CFAP20DC: variants seen among roughly 807,000 people sequenced by gnomAD.
CFAP20DC encodes the protein protein CFAP20DC.
In CFAP20DC, 84 loss-of-function variants were observed where a neutral mutation model predicts 101.7. That is an observed-to-expected ratio of 0.83 (90% confidence interval 0.69 to 0.99). The LOEUF (loss-of-function observed/expected upper bound fraction) is 0.99, where lower values mean the gene tolerates loss of function less well. Ranked by LOEUF, CFAP20DC falls within the 50% of genes least tolerant of loss-of-function variation. CFAP20DC has a pLI of 0.00. For synonymous variants in CFAP20DC, 359 were observed against 351.2 expected, an observed-to-expected ratio of 1.02 and a Z score of -0.25; for missense variants, 1,007 against 970.3, an observed-to-expected ratio of 1.04 and a Z score of -0.50.
chr3:58,822,321 A>AAAC (rs1228312334), intron 14 of CFAP20DC, among the ~76,000 whole-genome samples: 1 of 141,114 alleles, frequency 7.1e-6, no homozygotes, highest in Non-Finnish European at 1.5e-5. Context: ...AAAAACAAAC[A>AAAC]AACAAACAAA....
intron 4 of CFAP20DC, among the ~76,000 whole-genome samples, chr3:58,946,830 G>C (rs1011923247): frequency 1.3e-5 from 2 of 152,162 alleles, no homozygotes; most frequent in Non-Finnish European, 2.9e-5. Flanking sequence ...ATTATAAATA[G>C]TTAGAAGAGG....
chr3:58,881,114 G>C (rs775514298), intron 7 of CFAP20DC, among the ~76,000 whole-genome samples: 10 of 152,100 alleles, frequency 6.6e-5, no homozygotes, highest in Non-Finnish European at 1.0e-4. Context: ...GCCAAAAATA[G>C]TTAGATGATT....
At chr3:58,935,588 G>C (rs1256257011) in intron 5 of CFAP20DC, among the ~76,000 whole-genome samples, 1 of 152,042 alleles carries the variant, frequency 6.6e-6, no homozygotes, top group Non-Finnish European at 1.5e-5. Flanking sequence ...ATAGATCAAT[G>C]GAATAGAACA....
chr3:58,847,452 C>G (rs1305912823), intron 13 of CFAP20DC, among the ~76,000 whole-genome samples: 4 of 150,098 alleles, frequency 2.7e-5, no homozygotes, highest in African/African-American at 4.9e-5. Flanking sequence ...AAATGCAAAT[C>G]AAAACCACAA....
In CFAP20DC at chr3:58,868,059, G is replaced by A; in HGVS notation, c.1016-123C>T. 8.9e-7 allele frequency: 1 copy of A among 1,121,254 alleles called. No individual in the cohort carries two copies. Among genetic ancestry groups the A allele is most frequent in the Non-Finnish European group, 1.2e-6 (1 of 824,536 alleles). 69.5% of individuals were successfully genotyped at this position (1,121,254 alleles called of 1,614,324 possible). On this transcript the variant is annotated intron_variant, in intron 9 of 16. Transcript: ENST00000482387. The surrounding 1 kb of genome is among the most constrained non-coding windows in gnomAD (Gnocchi z 4.6). Reference sequence around the variant, plus strand: ...ATGTATAATTTTGACATAATGTGAAGATACATCAAAAATACAACTTCATAG... The same window carrying A: ...ATGTATAATTTTGACATAATGTGAAAATACATCAAAAATACAACTTCATAG...
rs1017024266 is a variant in CFAP20DC at position 59,002,012 on chromosome 3, T to C, written c.278+37545A>G. On this transcript the variant is annotated intron_variant, in intron 4 of 16. Coordinates refer to ENST00000482387, the MANE Select transcript of CFAP20DC (RefSeq NM_001394063.1). This position sits in a 1 kb window ranked among gnomAD's most constrained non-coding sequence, Gnocchi z 4.5. ...TTGGCATTTTTTAATACCGGGTATA[T>C]ACTAAAATGCCGTGTGGTTGGCCAC... 3.3e-5 allele frequency among the ~76,000 whole-genome samples: 5 copies of C among 152,196 alleles called. No individual in the cohort carries two copies. The highest frequency in any genetic ancestry group is 1.3e-4 in the Admixed American group (2 of 15,284).
chr3:58,783,045 G>A (rs1385865296), intron 15 of CFAP20DC, among the ~76,000 whole-genome samples: 1 of 152,042 alleles, frequency 6.6e-6, no homozygotes, highest in Non-Finnish European at 1.5e-5. Flanking sequence ...CAAGGCTATA[G>A]TAACCAAACA....
rs904202284 is a variant in CFAP20DC, at chr3:58,807,416, C to T, written c.2176-960G>A. 2.7e-4 allele frequency among the ~76,000 whole-genome samples: 41 copies of T among 152,240 alleles called. 1 individual carries two copies. Among genetic ancestry groups the T allele is most frequent in the Admixed American group, 1.8e-3 (28 of 15,274 alleles). On this transcript the variant is annotated intron_variant, in intron 14 of 16. Coordinates refer to ENST00000482387, the MANE Select transcript of CFAP20DC (RefSeq NM_001394063.1). ...GCAGCATTCGTGGTTCATGAAAATC[C>T]GCTGTTCTGCAGCCACCGCTGCGGA...
chr3:58,919,734 T>C (rs1459232010), intron 5 of CFAP20DC, among the ~76,000 whole-genome samples: 1 of 152,226 alleles, frequency 6.6e-6, no homozygotes, highest in Non-Finnish European at 1.5e-5. Context: ...ATTGTTGAAT[T>C]TATTCATGAG....
At chr3:58,820,091 A>G (rs1212324885) in intron 14 of CFAP20DC, among the ~76,000 whole-genome samples, 1 of 151,908 alleles carries the variant, frequency 6.6e-6, no homozygotes, top group Non-Finnish European at 1.5e-5. Flanking sequence ...AAAATTCAAC[A>G]ACCCTTCATG....
intron 14 of CFAP20DC, among the ~76,000 whole-genome samples, chr3:58,825,130 GAGTC>G (rs1297016136): frequency 6.6e-6 from 1 of 152,152 alleles, no homozygotes; most frequent in Non-Finnish European, 1.5e-5. Flanking sequence ...GGATCTGAGG[GAGTC>G]AGTCTGTATG....
At chr3:58,747,714 C>T (rs1575539407) in intron 16 of CFAP20DC, among the ~76,000 whole-genome samples, 1 of 121,630 alleles carries the variant, frequency 8.2e-6, no homozygotes, top group African/African-American at 2.7e-5. Context: ...ATGAAGATGA[C>T]ATTTTAGATA....
In CFAP20DC at chr3:58,799,733, C is replaced by CTGTGTGTG. The variant is rs112827949; in HGVS notation, c.2237+6654_2237+6661dup. ...AGTGTGTGTGTGTCTGTGTGTGTGT[C>CTGTGTGTG]TGTGTGTGTGTGTGTGTGTGTGTGT... On this transcript the variant is annotated intron_variant, in intron 15 of 16. Transcript: ENST00000482387. The surrounding 1 kb of genome is among the most constrained non-coding windows in gnomAD (Gnocchi z 4.9). 1.6e-4 allele frequency among the ~76,000 whole-genome samples: 23 copies of CTGTGTGTG among 142,860 alleles called. No homozygotes were observed. The highest frequency in any genetic ancestry group is 3.5e-4 in the African/African-American group (14 of 39,592). The allele number at this position is 142,860 out of a possible 152,430, so 93.7% of individuals were successfully genotyped here. A position where few individuals can be genotyped will look rare whatever the true frequency, so the allele number is the denominator to read the frequency against.
intron 6 of CFAP20DC, among the ~76,000 whole-genome samples, chr3:58,890,830 C>T (rs367779498): frequency 1.4e-5 from 2 of 142,546 alleles, no homozygotes; most frequent in African/African-American, 2.7e-5. Flanking sequence ...GACGATGGGC[C>T]GCCGGGCAGA....
chr3:58,744,919 A>G (rs914191287), intron 16 of CFAP20DC, among the ~76,000 whole-genome samples: 5 of 152,216 alleles, frequency 3.3e-5, no homozygotes, highest in African/African-American at 9.6e-5. Context: ...ACCAGATCCA[A>G]TGATCCCTGT....
At chr3:58,809,535 T>C (rs1041535644) in intron 14 of CFAP20DC, among the ~76,000 whole-genome samples, 3 of 151,914 alleles carry the variant, frequency 2.0e-5, no homozygotes, top group African/African-American at 7.3e-5. Flanking sequence ...CCAGAATCTC[T>C]GGGACGCATT....
intron 4 of CFAP20DC, among the ~76,000 whole-genome samples, chr3:59,025,365 C>A (rs1284640056): frequency 2.0e-5 from 3 of 152,028 alleles, no homozygotes; most frequent in African/African-American, 7.3e-5. Flanking sequence ...TAGACAGGCT[C>A]CATCTGTCTT....
At chr3:58,974,074 T>C (rs2092121802) in intron 4 of CFAP20DC, among the ~76,000 whole-genome samples, 1 of 152,066 alleles carries the variant, frequency 6.6e-6, no homozygotes. Flanking sequence ...AGTGAGAGAA[T>C]GGCAGGGAAC....
At chr3:58,772,195 A>C (rs1367491909) in intron 15 of CFAP20DC, among the ~76,000 whole-genome samples, 1 of 152,174 alleles carries the variant, frequency 6.6e-6, no homozygotes, top group Non-Finnish European at 1.5e-5. Flanking sequence ...GGAATATTTT[A>C]GATTATTTTT....
Sources: allele counts gnomAD v4.1 joint callset (sites outside exome capture counted in the v4.1 genomes callset), GRCh38; gene constraint gnomAD v4.1.1; non-coding constraint Gnocchi (gnomAD v3.1); transcripts MANE v1.5; gene names NCBI Gene and HGNC (gene_info 2026-07-23, HGNC 2026-07-21).